Variants in DLGAP2 observed in about 807,000 individuals in gnomAD.
DLGAP2 encodes DLG associated protein 2.
In DLGAP2, 26 loss-of-function variants were observed where a neutral mutation model predicts 100.3. That is an observed-to-expected ratio of 0.26 (90% CI 0.19 to 0.36). DLGAP2 has a LOEUF of 0.36. Among genes scored for constraint, DLGAP2 ranks in the 10% least tolerant of loss-of-function variants. DLGAP2 has a pLI of 1.00. For synonymous variants in DLGAP2, 886 were observed against 630.1 expected, an observed-to-expected ratio of 1.41 and a Z score of -6.08; for missense variants, 1,858 against 1,453.2, an observed-to-expected ratio of 1.28 and a Z score of -4.53.
At chr8:1,275,736 T>C (rs915565990) in intron 3 of DLGAP2, among the ~76,000 whole-genome samples, 3 of 135,166 alleles carry the variant, frequency 2.2e-5, no homozygotes, top group Non-Finnish European at 4.6e-5. Flanking sequence ...ATAAAATATA[T>C]GTAATATATA....
chr8:743,053 C>T (rs1210038263), intron 1 of DLGAP2, among the ~76,000 whole-genome samples: 1 of 152,152 alleles, frequency 6.6e-6, no homozygotes, highest in Non-Finnish European at 1.5e-5. Context: ...TGATTTCTCT[C>T]AAAACTGTTT....
At chr8:851,994 C>T (rs888321362) in intron 1 of DLGAP2, among the ~76,000 whole-genome samples, 26 of 152,198 alleles carry the variant, frequency 1.7e-4, no homozygotes, top group African/African-American at 4.3e-4. Flanking sequence ...TAGTGGGCGG[C>T]GGTCCTGGGA....
intron 8 of DLGAP2, among the ~76,000 whole-genome samples, chr8:1,636,406 A>C (rs983587975): frequency 6.6e-6 from 1 of 152,232 alleles, no homozygotes; most frequent in African/African-American, 2.4e-5. Context: ...TCAAGGGTAC[A>C]TAGTAATTCC....
chr8:1,074,075 C>A (rs35676226), intron 2 of DLGAP2, among the ~76,000 whole-genome samples: 1 of 133,156 alleles, frequency 7.5e-6, no homozygotes, highest in African/African-American at 3.3e-5. Context: ...TTGCAGCAGA[C>A]TGAGGCTGAA....
chr8:1,364,440 C>G (rs1205645558), intron 3 of DLGAP2, among the ~76,000 whole-genome samples: 1 of 151,992 alleles, frequency 6.6e-6, no homozygotes, highest in East Asian at 1.9e-4. Flanking sequence ...CCTTCAGGAA[C>G]CCCAGATTCT....
chr8:974,929 T>C (rs1800124793), intron 2 of DLGAP2, among the ~76,000 whole-genome samples: 1 of 152,108 alleles, frequency 6.6e-6, no homozygotes, highest in African/African-American at 2.4e-5. Flanking sequence ...AAATAAGATA[T>C]TGGTATAGAA....
chr8:1,346,538 T>A (rs1801561214), intron 3 of DLGAP2, among the ~76,000 whole-genome samples: 3 of 152,010 alleles, frequency 2.0e-5, no homozygotes, highest in Admixed American at 2.0e-4. Context: ...CATACAGAGC[T>A]GCATTGCACT....
At position 1,343,954 on chromosome 8, in the gene DLGAP2, G is replaced by A. The variant is rs140690688; in HGVS notation, c.106+85071G>A. ...GGGCTTTCCCTCCTGGCCGAGGGCAGGTGTACAGAGAAACATGGCGGACAG... is the reference window on the plus strand; with the variant it reads ...GGGCTTTCCCTCCTGGCCGAGGGCAAGTGTACAGAGAAACATGGCGGACAG... On this transcript the variant is annotated intron_variant, in intron 3 of 14. Coordinates refer to ENST00000637795, the MANE Select transcript of DLGAP2 (RefSeq NM_001346810.2). Among the ~76,000 whole-genome samples, 76 of 152,352 alleles carry A rather than the reference G, an allele frequency of 5.0e-4. 1 individual carries two copies. Among genetic ancestry groups the A allele is most frequent in the Admixed American group, 3.5e-3 (53 of 15,300 alleles).
intron 1 of DLGAP2, among the ~76,000 whole-genome samples, chr8:751,063 G>A (rs573321532): frequency 2.2e-4 from 33 of 150,638 alleles, no homozygotes; most frequent in African/African-American, 6.8e-4. Context: ...CTGGATCTCC[G>A]GCCACCCTCT....
intron 3 of DLGAP2, among the ~76,000 whole-genome samples, chr8:1,287,182 G>T (rs1261610014): frequency 9.6e-5 from 13 of 134,976 alleles, no homozygotes; most frequent in South Asian, 2.6e-4. Context: ...GGTTCTGTTA[G>T]GAGGGGAACT....
At position 963,650 on chromosome 8, in the gene DLGAP2, T is replaced by C. The variant is rs1478490315; in HGVS notation, c.73+55684T>C. Among the ~76,000 whole-genome samples, 7 of 152,134 alleles carry C rather than the reference T, an allele frequency of 4.6e-5. No homozygotes were observed. In the East Asian group the frequency reaches 1.3e-3, roughly 29 times the overall value. On this transcript the variant is annotated intron_variant, in intron 2 of 14. Coordinates refer to ENST00000637795, the MANE Select transcript of DLGAP2 (RefSeq NM_001346810.2). Reference sequence around the variant, plus strand: ...TTGAGACAGTAAAAACTGTGGTTGGTGACCCCCAGGACCTACTCTTGCTCT... The same window carrying C: ...TTGAGACAGTAAAAACTGTGGTTGGCGACCCCCAGGACCTACTCTTGCTCT...
At chr8:1,348,951 T>A (rs1274773214) in intron 3 of DLGAP2, among the ~76,000 whole-genome samples, 1 of 152,174 alleles carries the variant, frequency 6.6e-6, no homozygotes, top group Non-Finnish European at 1.5e-5. Context: ...ATGGTCACCA[T>A]GGTCTGTCGC....
intron 4 of DLGAP2, among the ~76,000 whole-genome samples, chr8:1,533,398 C>T (rs1048896315): frequency 6.6e-6 from 1 of 151,638 alleles, no homozygotes; most frequent in Non-Finnish European, 1.5e-5. Context: ...CCGAGCTACT[C>T]GGCAGGCTGA....
At chr8:754,075 C>G (rs1268057264) in intron 1 of DLGAP2, 1 of 152,238 alleles carries the variant, frequency 6.6e-6, no homozygotes, top group African/African-American at 2.4e-5. Flanking sequence ...GAGGATGGAA[C>G]CGCACCGCTC....
intron 1 of DLGAP2, among the ~76,000 whole-genome samples, chr8:800,475 A>G (rs1293478041): frequency 2.0e-5 from 3 of 152,220 alleles, no homozygotes; most frequent in Non-Finnish European, 4.4e-5. Flanking sequence ...AGCAGCCTCC[A>G]TCTGCCAGGC....
At chr8:1,142,763 T>G in intron 2 of DLGAP2, among the ~76,000 whole-genome samples, 2 of 150,194 alleles carry the variant, frequency 1.3e-5, no homozygotes, top group African/African-American at 4.9e-5. Flanking sequence ...ATGGGGAGGG[T>G]GAGGGGAGGG....
At chr8:1,310,439 A>G (rs1800587734) in intron 3 of DLGAP2, among the ~76,000 whole-genome samples, 1 of 152,140 alleles carries the variant, frequency 6.6e-6, no homozygotes, top group Non-Finnish European at 1.5e-5. Context: ...GCTGGAATGA[A>G]CCACTTTCAA....
chr8:1,053,093 C>G (rs758911917), intron 2 of DLGAP2, among the ~76,000 whole-genome samples: 18 of 152,220 alleles, frequency 1.2e-4, no homozygotes, highest in Non-Finnish European at 2.6e-4. Flanking sequence ...ATGTAATGTG[C>G]TTTGCCGTTT....
At chr8:1,375,335 G>GGCT (rs1382111666) in intron 3 of DLGAP2, among the ~76,000 whole-genome samples, 1 of 44,892 alleles carries the variant, frequency 2.2e-5, no homozygotes, top group Non-Finnish European at 3.9e-5. Flanking sequence ...CCTACATTTG[G>GGCT]GTTAACGACA....
Sources: gnomAD v4.1 joint callset for allele counts (sites outside exome capture counted in the v4.1 genomes callset) on GRCh38, gnomAD v4.1.1 for gene constraint, MANE v1.5 for transcripts, NCBI Gene and HGNC (gene_info 2026-07-23, HGNC 2026-07-21) for gene names.